Variants in SPATA17 observed in about 807,000 individuals in gnomAD.
SPATA17 encodes the protein spermatogenesis-associated protein 17.
Under a neutral mutation model 62.2 loss-of-function variants are expected in SPATA17, and 53 were observed. The observed-to-expected ratio is 0.85, with a 90% CI of 0.68 to 1.07. The LOEUF (loss-of-function observed/expected upper bound fraction) is 1.07. SPATA17 is among the 50% of genes least tolerant of loss of function. The probability of loss-of-function intolerance (pLI) is 0.00; values close to 1 mark genes in which losing one functional copy is unlikely to be tolerated. For missense variants in SPATA17, 466 were observed against 425.5 expected (o/e 1.10, Z -0.84); for synonymous variants, 146 against 146.8 (o/e 0.99, Z 0.04).
intron 6 of SPATA17, among the ~76,000 whole-genome samples, chr1:217,746,405 G>T (rs1259979092): frequency 4.6e-5 from 7 of 151,608 alleles, no homozygotes; most frequent in Non-Finnish European, 1.0e-4. Context: ...ATGGTTTATA[G>T]AATAGTAATT....
chr1:217,817,964 A>G (rs537747074), intron 9 of SPATA17, among the ~76,000 whole-genome samples: 5 of 152,122 alleles, frequency 3.3e-5, no homozygotes, highest in Admixed American at 2.0e-4. Context: ...GTCCCCAGTC[A>G]TTATTCTCAT....
chr1:217,838,474 T>C (rs1437532084), intron 9 of SPATA17, among the ~76,000 whole-genome samples: 2 of 152,000 alleles, frequency 1.3e-5, no homozygotes, highest in East Asian at 3.9e-4. Flanking sequence ...AAATGATACA[T>C]AAAGATATAT....
At chr1:217,806,293 C>G (rs1166239394) in intron 9 of SPATA17, among the ~76,000 whole-genome samples, 2 of 152,160 alleles carry the variant, frequency 1.3e-5, no homozygotes, top group African/African-American at 4.8e-5. Context: ...AGGGTCCTGC[C>G]CACATAGCTC....
chr1:217,706,653 T>C (rs1197478373), intron 5 of SPATA17, among the ~76,000 whole-genome samples: 1 of 152,212 alleles, frequency 6.6e-6, no homozygotes, highest in Non-Finnish European at 1.5e-5. Flanking sequence ...ATTAAACCCC[T>C]TTCCTTTATA....
intron 9 of SPATA17, among the ~76,000 whole-genome samples, chr1:217,844,579 G>T (rs1675483344): frequency 6.6e-6 from 1 of 152,104 alleles, no homozygotes. Flanking sequence ...TTGAATCAAT[G>T]TAGACCACAA....
At position 217,676,522 on chromosome 1, in the gene SPATA17, T is replaced by C. The variant is rs1244018053; in HGVS notation, c.292-6736T>C. ...TGCTAGGACTGATAAAGTCAACTGC[T>C]GTTTCTAAATTAATGTTTAGAGTAT... On this transcript the variant is annotated intron_variant, in intron 4 of 10. Coordinates refer to ENST00000366933, the MANE Select transcript of SPATA17 (RefSeq NM_138796.4). Among the ~76,000 whole-genome samples the C allele has an allele frequency of 4.6e-5, 7 of 152,174 alleles. 1 individual carries two copies. Among genetic ancestry groups the C allele is most frequent in the Admixed American group, 3.3e-4 (5 of 15,268 alleles).
intron 6 of SPATA17, among the ~76,000 whole-genome samples, chr1:217,764,787 C>G (rs899600381): frequency 2.0e-4 from 31 of 152,088 alleles, no homozygotes; most frequent in African/African-American, 7.2e-4. Context: ...TAATGATATT[C>G]CTTAATGACA....
At chr1:217,736,056 A>C (rs938782168) in intron 5 of SPATA17, among the ~76,000 whole-genome samples, 17 of 152,042 alleles carry the variant, frequency 1.1e-4, no homozygotes, top group African/African-American at 4.1e-4. Flanking sequence ...TTTTATAGAA[A>C]TATATTATTT....
chr1:217,647,626 G>A (rs1424780265), intron 1 of SPATA17, among the ~76,000 whole-genome samples: 2 of 152,184 alleles, frequency 1.3e-5, no homozygotes, highest in Non-Finnish European at 2.9e-5. Flanking sequence ...GGAAGTCAGG[G>A]AAAGTTCTCT....
chr1:217,803,387 G>T (rs897598118), intron 9 of SPATA17, among the ~76,000 whole-genome samples: 2 of 152,076 alleles, frequency 1.3e-5, no homozygotes, highest in African/African-American at 2.4e-5. Context: ...AAGACTGTTA[G>T]AACTAATAAA....
rs1371259347 is a variant in SPATA17, at chr1:217,854,152, G to C, written c.1006-8622G>C. ...ATTTGAACAGTTTGAACACTCAGCA[G>C]TATGTGAGTGGTTGAAGTATGGCTG... On this transcript the variant is annotated intron_variant, in intron 9 of 10. Coordinates refer to ENST00000366933, the MANE Select transcript of SPATA17 (RefSeq NM_138796.4). Among the ~76,000 whole-genome samples the C allele has an allele frequency of 2.6e-5, 4 of 152,274 alleles. No homozygotes were observed. The South Asian group carries it at 8.3e-4, about 32-fold the overall frequency.
intron 6 of SPATA17, among the ~76,000 whole-genome samples, chr1:217,746,827 TAATTAA>T (rs1672768332): frequency 6.6e-6 from 1 of 152,024 alleles, no homozygotes; most frequent in Non-Finnish European, 1.5e-5. Context: ...AGGGTTTTAT[TAATTAA>T]AAAGTTCAAG....
chr1:217,768,495 C>CT lies in SPATA17; in HGVS notation c.520-5825dup, dbSNP rs1183998775. On this transcript the variant is annotated intron_variant, in intron 6 of 10. Coordinates refer to ENST00000366933, the MANE Select transcript of SPATA17 (RefSeq NM_138796.4). ...TTCTTTATCGCAAAGCTCTACCCAT[C>CT]TTTTTTTTTTTTTTAAGACGGAATT... 4.4e-3 allele frequency among the ~76,000 whole-genome samples: 626 copies of CT among 142,342 alleles called. 1 individual carries two copies. Among genetic ancestry groups the CT allele is most frequent in the Middle Eastern group, 0.015 (4 of 274 alleles). 93.4% of individuals were successfully genotyped at this position (142,342 alleles called of 152,430 possible).
intron 6 of SPATA17, among the ~76,000 whole-genome samples, chr1:217,768,421 A>G (rs1006351687): frequency 1.3e-5 from 2 of 151,978 alleles, no homozygotes; most frequent in Admixed American, 1.3e-4. Context: ...GGTTTCCCAC[A>G]ACCATGTCTT....
intron 6 of SPATA17, among the ~76,000 whole-genome samples, chr1:217,748,420 C>A (rs530111179): frequency 6.6e-6 from 1 of 151,138 alleles, no homozygotes; most frequent in East Asian, 2.0e-4. Context: ...TTCCAGGATA[C>A]AAATCTTATA....
chr1:217,784,874 A>G (rs1673821076), intron 8 of SPATA17: 1 of 152,200 alleles, frequency 6.6e-6, no homozygotes, highest in South Asian at 2.1e-4. Flanking sequence ...TTGTGCATCT[A>G]AAAGACAATT....
chr1:217,802,782 C>G (rs1254070057), intron 9 of SPATA17, among the ~76,000 whole-genome samples: 1 of 152,136 alleles, frequency 6.6e-6, no homozygotes, highest in Non-Finnish European at 1.5e-5. Context: ...TCCTGGCCCC[C>G]AAACTCATGC....
intron 5 of SPATA17, among the ~76,000 whole-genome samples, chr1:217,718,565 A>G (rs1293522329): frequency 2.0e-5 from 3 of 152,154 alleles, no homozygotes; most frequent in Non-Finnish European, 4.4e-5. Flanking sequence ...AAAAGCCTCT[A>G]CCAGGGAAGA....
chr1:217,820,983 C>G (rs1016774508), intron 9 of SPATA17, among the ~76,000 whole-genome samples: 1 of 152,028 alleles, frequency 6.6e-6, no homozygotes, highest in Non-Finnish European at 1.5e-5. Context: ...AAGGGCAAAG[C>G]AGGCATGTGC....
Sources: gnomAD v4.1 joint callset for allele counts (sites outside exome capture counted in the v4.1 genomes callset) on GRCh38, gnomAD v4.1.1 for gene constraint, MANE v1.5 for transcripts, NCBI Gene and HGNC (gene_info 2026-07-23, HGNC 2026-07-21) for gene names.